Variants in UCHL5 observed in about 807,000 individuals in gnomAD.
UCHL5 encodes ubiquitin C-terminal hydrolase L5, also known as ubiquitin carboxyl-terminal hydrolase isozyme L5.
In UCHL5, 34 loss-of-function variants were observed where a neutral mutation model predicts 53.8. The observed-to-expected ratio is 0.63, with a 90% CI of 0.48 to 0.84. UCHL5 has a LOEUF of 0.84. UCHL5 is among the 40% of genes least tolerant of loss of function. The pLI, the probability that UCHL5 is intolerant of heterozygous loss-of-function variation, is 0.00. For missense variants in UCHL5, 290 were observed against 385.6 expected (o/e 0.75, Z 2.08); for synonymous variants, 111 against 126.3 (o/e 0.88, Z 0.81).
intron 1 of UCHL5, among the ~76,000 whole-genome samples, chr1:193,055,698 T>A (rs1213276447): frequency 1.3e-5 from 2 of 152,274 alleles, no homozygotes; most frequent in African/African-American, 4.8e-5. Context: ...ATTGATTTTT[T>A]AAATGTTAAA....
In UCHL5 at chr1:193,029,223, C is replaced by T. The variant is rs1188491342; in HGVS notation, c.521G>A (p.Arg174Lys). ...TCTTAATCCATCTAATTCATACAGT[C>T]TCCCATTAACAGGAACATAACTGAC... is the stretch of plus-strand genomic sequence containing the variant. Reference protein sequence around the residue: ...HFVSYVPVNGRLYELDGLREG... With the variant: ...HFVSYVPVNGKLYELDGLREG... Residue 174 changes from arginine (R) to lysine (K), a missense_variant, in exon 6 of 11, where the codon AGA (arginine) becomes AAA (lysine). Transcript: ENST00000367454. 1 of 1,613,778 alleles carries T rather than the reference C, an allele frequency of 6.2e-7. No individual in the cohort carries two copies. The highest frequency in any genetic ancestry group is 1.7e-4 in the Middle Eastern group (1 of 6,058).
intron 7 of UCHL5, 111 bp downstream of exon 7, chr1:193,027,974 A>G (rs1193704714): frequency 3.6e-6 from 5 of 1,398,380 alleles, no homozygotes; most frequent in Non-Finnish European, 4.7e-6. Context: ...AATTAAAAAG[A>G]AAAAAAAAAG....
upstream of UCHL5, chr1:193,059,965 G>A (rs1159528387): frequency 1.6e-5 from 22 of 1,366,494 alleles, no homozygotes; most frequent in Non-Finnish European, 2.2e-5. The surrounding 1 kb of genome is among the most constrained non-coding windows in gnomAD (Gnocchi z 4.9). Context: ...CAGCATCGCG[G>A]TAGGGACATC....
At chr1:193,043,903 G>A (rs750570230) in intron 3 of UCHL5, among the ~76,000 whole-genome samples, 3 of 152,188 alleles carry the variant, frequency 2.0e-5, no homozygotes, top group Non-Finnish European at 4.4e-5. Flanking sequence ...TCTACCCCAT[G>A]TGGCTCTTCC....
At chr1:193,018,635 T>C in intron 10 of UCHL5, 2 of 1,256,132 alleles carry the variant, frequency 1.6e-6, no homozygotes, top group Non-Finnish European at 2.0e-6. Context: ...TTTATTATTT[T>C]GCAAATAAAA....
At position 193,049,851 on chromosome 1, in the gene UCHL5, C is replaced by A; in HGVS notation, c.141G>T (p.Lys47Asn). Residue 47 changes from lysine to asparagine, a missense_variant and splice_region_variant, in exon 3 of 11, where the codon AAG (lysine) becomes AAT (asparagine). Physicochemically the swap from Lys to Asn is moderately conservative, Grantham distance 94. Transcript: ENST00000367454. ...AAAGAAAAATTAACCCATGAACTGGCCTACAAAATAAAATACAAATTAATG... is the reference window on the plus strand; with the variant it reads ...AAAGAAAAATTAACCCATGAACTGGACTACAAAATAAAATACAAATTAATG... ...SLEPENFEKL[K>N]PVHGLIFLFK... The A allele has an allele frequency of 1.2e-6, 2 of 1,603,436 alleles. No homozygotes were observed. Among genetic ancestry groups the A allele is most frequent in the South Asian group, 1.1e-5 (1 of 89,938 alleles).
intron 3 of UCHL5, among the ~76,000 whole-genome samples, chr1:193,043,169 A>AAAAAAAAAAAAAAAAAAAAAAAC (rs1558122949): frequency 6.8e-6 from 1 of 147,712 alleles, no homozygotes; most frequent in African/African-American, 2.5e-5. Context: ...AAAAAAAAAA[A>AAAAAAAAAAAAAAAAAAAAAAAC]AAAAAAACCA....
At chr1:193,052,670 A>G (rs991470195) in intron 1 of UCHL5, among the ~76,000 whole-genome samples, 5 of 152,076 alleles carry the variant, frequency 3.3e-5, no homozygotes, top group African/African-American at 1.2e-4. Flanking sequence ...CATTCCTCAC[A>G]CTCACAGAGC....
chr1:193,054,251 A>C (rs1340097693), intron 1 of UCHL5, among the ~76,000 whole-genome samples: 1 of 152,198 alleles, frequency 6.6e-6, no homozygotes, highest in African/African-American at 2.4e-5. Flanking sequence ...CCCAAGAAAA[A>C]CACTCGTGGA....
intron 7 of UCHL5, 54 bp from the exon 8 acceptor site, chr1:193,024,000 C>T: frequency 8.0e-7 from 1 of 1,247,198 alleles, no homozygotes; most frequent in Non-Finnish European, 1.1e-6. Flanking sequence ...ACAACTATTA[C>T]CGTTAAGATA....
chr1:193,026,989 T>C (rs576113285), intron 7 of UCHL5, among the ~76,000 whole-genome samples: 1 of 152,312 alleles, frequency 6.6e-6, no homozygotes, highest in Non-Finnish European at 1.5e-5. Flanking sequence ...AAAAAGCTAA[T>C]GCGAAAAGGC....
Position 193,016,171 on chromosome 1 carries a change from C to A in UCHL5, c.*180G>T. 1 of 650,774 alleles carries A rather than the reference C, an allele frequency of 1.5e-6. No homozygotes were observed. Among genetic ancestry groups the A allele is most frequent in the Non-Finnish European group, 2.6e-6 (1 of 377,554 alleles). 40.3% of individuals were successfully genotyped at this position (650,774 alleles called of 1,614,324 possible). The stretch of plus-strand genomic sequence containing the variant: ...TATCACTTTCATTTAATATGCACTA[C>A]ATGCACATGATGCAGGTAGGGAAGA... On this transcript the variant is annotated 3_prime_UTR_variant, in exon 11 of 11. Transcript: ENST00000367454.
In UCHL5 at chr1:193,049,811, C is replaced by T. The variant is rs1668443661; in HGVS notation, c.181G>A (p.Gly61Arg). 6.2e-7 allele frequency: 1 copy of T among 1,612,332 alleles called. No individual in the cohort carries two copies. Among genetic ancestry groups the T allele is most frequent in the Middle Eastern group, 1.7e-4 (1 of 6,054 alleles). ...GLIFLFKWQP[G>R]EEPAGSVVQD... ...ACCACAGAGCCTGCTGGTTCTTCTC[C>T]TGGCTGCCACTTGAAAAGAAAAATT... Residue 61 changes from glycine to arginine, a missense_variant, in exon 3 of 11, where the codon GGA (glycine) becomes AGA (arginine). Coordinates refer to ENST00000367454, the MANE Select transcript of UCHL5 (RefSeq NM_001199261.3).
chr1:193,052,272 C>G (rs1669300335), intron 1 of UCHL5, among the ~76,000 whole-genome samples: 1 of 152,090 alleles, frequency 6.6e-6, no homozygotes, highest in African/African-American at 2.4e-5. Flanking sequence ...ATATTTTCAA[C>G]TACTTCAGAG....
intron 1 of UCHL5, among the ~76,000 whole-genome samples, chr1:193,056,334 A>AT (rs1035114113): frequency 6.6e-6 from 1 of 151,430 alleles, no homozygotes; most frequent in Non-Finnish European, 1.5e-5. Flanking sequence ...TATTTTCTCC[A>AT]TTTTTTTCTC....
In UCHL5 at chr1:193,023,571, A is replaced by G. The variant is rs74837614; in HGVS notation, c.732+273T>C. ...TTGTTAGTCATTAAGTGATTTACAC[A>G]TAATACTTCATTTACTCCTCATGAC... is the stretch of plus-strand genomic sequence containing the variant. On this transcript the variant is annotated intron_variant, in intron 8 of 10. Coordinates refer to ENST00000367454, the MANE Select transcript of UCHL5 (RefSeq NM_001199261.3). 2.0e-5 allele frequency among the ~76,000 whole-genome samples: 3 copies of G among 152,340 alleles called. No individual in the cohort carries two copies. In the East Asian group the frequency reaches 5.8e-4, roughly 29 times the overall value.
chr1:193,028,854 G>T (rs1172426479), intron 6 of UCHL5, among the ~76,000 whole-genome samples: 1 of 151,942 alleles, frequency 6.6e-6, no homozygotes, highest in Non-Finnish European at 1.5e-5. Context: ...CTTACGAATG[G>T]GTTAAAAATG....
At chr1:193,059,577 C>G (rs1237022630), upstream of UCHL5, 1 of 1,493,528 alleles carries the variant, frequency 6.7e-7, no homozygotes, top group Admixed American at 1.8e-5. The surrounding 1 kb of genome is among the most constrained non-coding windows in gnomAD (Gnocchi z 4.9). Context: ...CCTCGCCCCT[C>G]TGGGGCGGAG....
chr1:193,059,848 C>A, upstream of UCHL5: 1 of 1,362,502 alleles, frequency 7.3e-7, no homozygotes, highest in East Asian at 4.6e-5. This position sits in a 1 kb window ranked among gnomAD's most constrained non-coding sequence, Gnocchi z 4.9. Context: ...CTGACCAGTC[C>A]TCCATGTCTC....
Sources: gnomAD v4.1 joint callset for allele counts (sites outside exome capture counted in the v4.1 genomes callset) on GRCh38, gnomAD v4.1.1 for gene constraint, Gnocchi (gnomAD v3.1) non-coding constraint, MANE v1.5 for transcripts, NCBI Gene and HGNC (gene_info 2026-07-23, HGNC 2026-07-21) for gene names.